Variants in ATP2B1 observed in about 807,000 individuals in gnomAD.
ATP2B1 encodes the protein plasma membrane calcium-transporting ATPase 1.
ATP2B1 carries 14 observed loss-of-function variants against 124.2 expected under a neutral mutation model. That is an observed-to-expected ratio of 0.11 (90% CI 0.07 to 0.18). ATP2B1 has a LOEUF of 0.18. ATP2B1 is among the 10% of genes least tolerant of loss of function. The pLI is 1.00. For missense variants in ATP2B1, 763 were observed against 1,466.1 expected, an observed-to-expected ratio of 0.52 and a Z score of 7.83; for synonymous variants, 449 against 492.4, an observed-to-expected ratio of 0.91 and a Z score of 1.17.
intron 20 of ATP2B1, among the ~76,000 whole-genome samples, chr12:89,595,363 A>G (rs1349075977): frequency 6.6e-6 from 1 of 152,048 alleles, no homozygotes; most frequent in Non-Finnish European, 1.5e-5. Flanking sequence ...TCAGGAAAAA[A>G]AAATCTACTA....
Position 89,626,565 on chromosome 12 carries a change from C to A in ATP2B1, c.1018G>T (p.Glu340Ter). 1 of 1,613,360 alleles carries A rather than the reference C, an allele frequency of 6.2e-7. No individual in the cohort carries two copies. The highest frequency in any genetic ancestry group is 8.5e-7 in the Non-Finnish European group (1 of 1,179,850). Reference protein sequence around the residue: ...AMEMQPLKSEEGGDGDEKDKK... With the variant: ...AMEMQPLKSE ...TCTTTTTCATCACCATCTCCACCTT[C>A]TTCACTCTTCAATGGCTGCATTTCC... Residue 340 changes from glutamate (E) to a stop codon, truncating the protein, a stop_gained, in exon 8 of 21, where the codon GAA becomes TAA. Coordinates refer to ENST00000428670, the MANE Select transcript of ATP2B1 (RefSeq NM_001366521.1). LOFTEE classifies it high-confidence loss of function.
At chr12:89,613,679 C>T (rs147725764) in intron 12 of ATP2B1, among the ~76,000 whole-genome samples, 202 of 152,218 alleles carry the variant, frequency 1.3e-3, no homozygotes, top group African/African-American at 4.6e-3. Flanking sequence ...ATCATCTGGA[C>T]AGGGAAACAA....
chr12:89,604,299 G>A lies in ATP2B1; in HGVS notation c.2490C>T (p.Leu830=). ...CAATGCTTGTAAAGTTGTCATCTGT[G>A]AGAATAATATCGGATGCTTCTTTAG... ...DVAKEASDII[L]TDDNFTSIVK... Residue 830 remains leucine, a synonymous_variant, in exon 16 of 21, where the codon CTC becomes CTT. Coordinates refer to ENST00000428670, the MANE Select transcript of ATP2B1 (RefSeq NM_001366521.1). 6.2e-7 allele frequency: 1 copy of A among 1,613,392 alleles called. No individual in the cohort carries two copies.
chr12:89,655,632 T>C lies in ATP2B1; in HGVS notation c.208+47A>G, dbSNP rs780454257. The C allele has an allele frequency of 4.5e-6, 7 of 1,545,166 alleles. No individual in the cohort carries two copies. The African/African-American group carries it at 5.5e-5, about 12-fold the overall frequency. On this transcript the variant is annotated intron_variant, in intron 2 of 20. Transcript: ENST00000428670. ...CATGCTCATTTATAAGCCAAATATA[T>C]AGAACTCTTTGCACAAAGAACCAAA...
At chr12:89,690,151 T>C (rs1890395348) in intron 1 of ATP2B1, among the ~76,000 whole-genome samples, 1 of 152,084 alleles carries the variant, frequency 6.6e-6, no homozygotes, top group African/African-American at 2.4e-5. Flanking sequence ...ATAACAGATA[T>C]TTCAAAATAA....
At chr12:89,666,027 C>T (rs1887277665) in intron 1 of ATP2B1, among the ~76,000 whole-genome samples, 1 of 152,300 alleles carries the variant, frequency 6.6e-6, no homozygotes, top group Non-Finnish European at 1.5e-5. Context: ...AAGGCACTTT[C>T]CCATTTCTTT....
intron 5 of ATP2B1, among the ~76,000 whole-genome samples, chr12:89,634,348 A>G (rs1487092633): frequency 6.6e-6 from 1 of 152,190 alleles, no homozygotes; most frequent in East Asian, 1.9e-4. Flanking sequence ...AGTTCTTAAG[A>G]AAAAACAACC....
intron 5 of ATP2B1, among the ~76,000 whole-genome samples, chr12:89,631,692 T>C (rs1881882909): frequency 6.6e-6 from 1 of 152,190 alleles, no homozygotes; most frequent in Admixed American, 6.6e-5. Flanking sequence ...TAAAATTTCA[T>C]TACAGAAAAC....
intron 1 of ATP2B1, among the ~76,000 whole-genome samples, chr12:89,665,820 C>T (rs1264511442): frequency 6.6e-6 from 1 of 152,206 alleles, no homozygotes; most frequent in Admixed American, 6.5e-5. Context: ...CAAGAACCTA[C>T]ACTTACATGC....
intron 1 of ATP2B1, among the ~76,000 whole-genome samples, chr12:89,677,182 T>C (rs1348129850): frequency 6.6e-6 from 1 of 152,182 alleles, no homozygotes; most frequent in Non-Finnish European, 1.5e-5. Flanking sequence ...CAAATGATAC[T>C]GAATACAGAC....
At chr12:89,695,817 C>CA (rs1352458877) in intron 1 of ATP2B1, among the ~76,000 whole-genome samples, 1 of 152,036 alleles carries the variant, frequency 6.6e-6, no homozygotes, top group Non-Finnish European at 1.5e-5. Flanking sequence ...TCTTGTTTCA[C>CA]AAAAAATTAA....
intron 1 of ATP2B1, among the ~76,000 whole-genome samples, chr12:89,661,554 C>T (rs1329620647): frequency 6.6e-6 from 1 of 152,076 alleles, no homozygotes; most frequent in East Asian, 1.9e-4. Context: ...ATTTAAATCG[C>T]AGGATAAACA....
At chr12:89,695,365 C>T (rs1307315586) in intron 1 of ATP2B1, among the ~76,000 whole-genome samples, 1 of 152,004 alleles carries the variant, frequency 6.6e-6, no homozygotes, top group South Asian at 2.1e-4. Flanking sequence ...AGTCTCTCCT[C>T]TCAGCAGGTC....
chr12:89,700,012 ATTTT>A (rs34709694), intron 1 of ATP2B1, among the ~76,000 whole-genome samples: 1 of 133,234 alleles, frequency 7.5e-6, no homozygotes, highest in African/African-American at 2.8e-5. Flanking sequence ...GCCTGGCTAA[ATTTT>A]TTTTTTTTTT....
intron 12 of ATP2B1, chr12:89,611,819 C>CA (rs1878073302): frequency 6.5e-6 from 1 of 153,202 alleles, no homozygotes; most frequent in Non-Finnish European, 1.5e-5. Flanking sequence ...CCCATACCTT[C>CA]AATTTCCATC....
intron 1 of ATP2B1, among the ~76,000 whole-genome samples, chr12:89,677,969 T>TATATATATATATATATAA (rs1888856305): frequency 1.7e-5 from 1 of 59,538 alleles, no homozygotes; most frequent in African/African-American, 5.9e-5. Flanking sequence ...TATATATATA[T>TATATATATATATATATAA]ATACACACAC....
chr12:89,629,682 T>G (rs965058515), intron 6 of ATP2B1, among the ~76,000 whole-genome samples: 1 of 152,234 alleles, frequency 6.6e-6, no homozygotes, highest in South Asian at 2.1e-4. Flanking sequence ...AAAATATTCA[T>G]GTGAGAAACA....
chr12:89,639,612 A>G (rs894154643), intron 3 of ATP2B1, among the ~76,000 whole-genome samples: 2 of 151,102 alleles, frequency 1.3e-5, no homozygotes, highest in East Asian at 3.9e-4. Context: ...GCAAATACTA[A>G]ATAACTTTTC....
chr12:89,656,464 CCTT>C (rs1483835469), intron 1 of ATP2B1, among the ~76,000 whole-genome samples: 2 of 152,154 alleles, frequency 1.3e-5, no homozygotes. Context: ...AGGTGTTACT[CCTT>C]CTTCTTCTAG....
Sources: allele counts gnomAD v4.1 joint callset (sites outside exome capture counted in the v4.1 genomes callset), GRCh38; gene constraint gnomAD v4.1.1; transcripts MANE v1.5; gene names NCBI Gene and HGNC (gene_info 2026-07-23, HGNC 2026-07-21).